DIPK2B: variants seen among roughly 807,000 people sequenced by gnomAD.
DIPK2B encodes UPF0672 protein CXorf36.
DIPK2B carries 15 observed loss-of-function variants against 22.2 expected under a neutral mutation model. The ratio of observed to expected loss-of-function variants is 0.68; its 90% CI spans 0.45 to 1.04. The LOEUF is 1.04. Among genes scored for constraint, DIPK2B ranks in the 50% least tolerant of loss-of-function variants. The pLI, the probability that DIPK2B is intolerant of heterozygous loss-of-function variation, is 0.00. For missense variants in DIPK2B, 345 were observed against 348.3 expected, an observed-to-expected ratio of 0.99 and a Z score of 0.08; for synonymous variants, 163 against 153.2, an observed-to-expected ratio of 1.06 and a Z score of -0.47.
At position 45,193,022 on chromosome X, in the gene DIPK2B, G is replaced by A. The variant is rs4314781; in HGVS notation, c.234-1007C>T. Among the ~76,000 whole-genome samples the A allele has an allele frequency of 5.6e-3, 633 of 112,036 alleles. 5 individuals carry two copies. The highest frequency in any genetic ancestry group is 0.019 in the African/African-American group (589 of 30,858). On this transcript the variant is annotated intron_variant, in intron 1 of 4. Transcript: ENST00000398000. Reference sequence around the variant, plus strand: ...TTGAACTGCTGGCCTCAGGTGATCCGCCCGCCTCTACCTCCCAAAGTGTTG... The same window carrying A: ...TTGAACTGCTGGCCTCAGGTGATCCACCCGCCTCTACCTCCCAAAGTGTTG...
intron 2 of DIPK2B, among the ~76,000 whole-genome samples, chrX:45,184,798 G>C (rs1431519064): frequency 1.8e-5 from 2 of 112,150 alleles, no homozygotes; most frequent in Non-Finnish European, 3.8e-5. Context: ...TCTGAGCAGT[G>C]ATTTGGCAAA....
chrX:45,169,227 G>T (rs1314576901), intron 2 of DIPK2B, among the ~76,000 whole-genome samples: 1 of 111,675 alleles, frequency 9.0e-6, no homozygotes, highest in Non-Finnish European at 1.9e-5. Context: ...GCGTTGAGAG[G>T]GTCAAGGTTG....
intron 2 of DIPK2B, among the ~76,000 whole-genome samples, chrX:45,175,101 G>GAAC (rs761440323): frequency 1.3e-4 from 14 of 111,443 alleles, no homozygotes; most frequent in African/African-American, 4.2e-4. Context: ...TGTAAAATGG[G>GAAC]AACAAGAATA....
chrX:45,186,278 C>T (rs2047183362), intron 2 of DIPK2B, among the ~76,000 whole-genome samples: 1 of 111,278 alleles, frequency 9.0e-6, no homozygotes, highest in Admixed American at 9.6e-5. Flanking sequence ...CAGTTGGTTC[C>T]CCAAACTCCC....
At chrX:45,167,329 A>G (rs1283912445) in intron 2 of DIPK2B, among the ~76,000 whole-genome samples, 1 of 109,508 alleles carries the variant, frequency 9.1e-6, no homozygotes, top group Admixed American at 9.7e-5. Flanking sequence ...TGTGTCTACA[A>G]AAAAATGAAA....
rs1226884359 is a variant in DIPK2B at position 45,157,747 on chromosome X, G to A, written c.640C>T (p.Leu214=). 1 of 1,198,802 alleles carries A rather than the reference G, an allele frequency of 8.3e-7. No homozygotes were observed. The highest frequency in any genetic ancestry group is 1.1e-6 in the Non-Finnish European group (1 of 889,219). Residue 214 remains leucine (L), a synonymous_variant, in exon 3 of 5, where the codon CTG becomes TTG. Transcript: ENST00000398000. The part of the protein sequence containing the change: ...DRDKLRLLYT[L]AVNSHPILLQ... ...AGGATGGGGTGCGAGTTGACAGCCA[G>A]CGTGTAGAGCAGGCGCAGCTTGTCA...
intron 1 of DIPK2B, among the ~76,000 whole-genome samples, chrX:45,192,803 G>A (rs2047219887): frequency 9.0e-6 from 1 of 111,395 alleles, no homozygotes; most frequent in Admixed American, 9.5e-5. Context: ...TTTTGAGATG[G>A]AGACTCACTC....
chrX:45,167,099 T>C (rs2047052651), intron 2 of DIPK2B, among the ~76,000 whole-genome samples: 1 of 112,623 alleles, frequency 8.9e-6, no homozygotes, highest in Non-Finnish European at 1.9e-5. Context: ...TCAATAACTG[T>C]CTCAGCTGTG....
intron 1 of DIPK2B, among the ~76,000 whole-genome samples, chrX:45,198,504 C>T (rs1327637187): frequency 9.0e-6 from 1 of 110,918 alleles, no homozygotes; most frequent in African/African-American, 3.3e-5. Context: ...CTTTCACGGG[C>T]ACATGGAACA....
At position 45,154,087 on chromosome X, in the gene DIPK2B, C is replaced by T. The variant is rs764473065; in HGVS notation, c.784G>A (p.Asp262Asn). ...TGGTAGGCAAGGTCGGCTGCCTGAT[C>T]TGGGGGTGCATCATAGAATTCCTGC... Reference protein sequence around the residue: ...PLQEFYDAPPDQAADLAYQLL... With the variant: ...PLQEFYDAPPNQAADLAYQLL... Residue 262 changes from aspartate (D) to asparagine (N), a missense_variant, in exon 4 of 5, where the codon GAT becomes AAT. Transcript: ENST00000398000. 7 of 1,211,357 alleles carry T rather than the reference C, an allele frequency of 5.8e-6. No homozygotes were observed. Among genetic ancestry groups the T allele is most frequent in the East Asian group, 3.0e-5 (1 of 33,827 alleles).
intron 1 of DIPK2B, among the ~76,000 whole-genome samples, chrX:45,198,312 T>G (rs2047250751): frequency 9.0e-6 from 1 of 111,512 alleles, no homozygotes; most frequent in Non-Finnish European, 1.9e-5. Context: ...GGCACGACTT[T>G]GATAATAAGA....
At chrX:45,155,473 C>T (rs1331777975) in intron 3 of DIPK2B, among the ~76,000 whole-genome samples, 2 of 106,972 alleles carry the variant, frequency 1.9e-5, no homozygotes, top group East Asian at 2.9e-4. Flanking sequence ...TAAAACAGTA[C>T]AGGTACCTTG....
At position 45,150,958 on chromosome X, in the gene DIPK2B, G is replaced by C. The variant is rs7058744; in HGVS notation, c.*694C>G. ...ACTTGGGCTAACACATTGGTCCCCC[G>C]CCGGCCCCCCTTTATCTTCTTACCC... On this transcript the variant is annotated 3_prime_UTR_variant, in exon 5 of 5. Coordinates refer to ENST00000398000, the MANE Select transcript of DIPK2B (RefSeq NM_176819.4). 4 of 110,899 alleles carry C rather than the reference G, an allele frequency of 3.6e-5. No individual in the cohort carries two copies. The South Asian group carries it at 1.5e-3, about 43-fold the overall frequency. The allele number at this position is 110,899 out of a possible 1,213,427, so 9.1% of individuals were successfully genotyped here. A position where few individuals can be genotyped will look rare whatever the true frequency, so the allele number is the denominator to read the frequency against.
chrX:45,188,470 C>T (rs1178415628), intron 2 of DIPK2B, among the ~76,000 whole-genome samples: 3 of 112,207 alleles, frequency 2.7e-5, no homozygotes, highest in Non-Finnish European at 5.6e-5. Context: ...GTTAACTTCC[C>T]GGCACAAATT....
chrX:45,164,729 T>C (rs1290317786), intron 2 of DIPK2B, among the ~76,000 whole-genome samples: 2 of 111,377 alleles, frequency 1.8e-5, no homozygotes, highest in Non-Finnish European at 3.8e-5. Flanking sequence ...AAAACTGCAC[T>C]TTCTGCACAT....
intron 2 of DIPK2B, among the ~76,000 whole-genome samples, chrX:45,169,011 C>T (rs1351412170): frequency 1.8e-5 from 2 of 111,868 alleles, no homozygotes; most frequent in Non-Finnish European, 3.8e-5. Flanking sequence ...GTTTCCTCAC[C>T]TATAACTGAT....
At chrX:45,191,461 T>C in intron 2 of DIPK2B, 1 of 320,095 alleles carries the variant, frequency 3.1e-6, no homozygotes, top group South Asian at 7.7e-5. Context: ...CTGGCAAGGG[T>C]CATCCTGTCA....
chrX:45,197,589 G>A lies in DIPK2B; in HGVS notation c.233+3005C>T, dbSNP rs1254724334. ...GTTTGGAGATCCAAAAGAAGACAAC[G>A]AACAAATACACCATTAGAAAGAGAG... On this transcript the variant is annotated intron_variant, in intron 1 of 4. Coordinates refer to ENST00000398000, the MANE Select transcript of DIPK2B (RefSeq NM_176819.4). 3.6e-5 allele frequency among the ~76,000 whole-genome samples: 4 copies of A among 111,556 alleles called. No individual in the cohort carries two copies. The East Asian group carries it at 1.1e-3, about 31-fold the overall frequency.
chrX:45,197,531 TG>T (rs1463357111), intron 1 of DIPK2B, among the ~76,000 whole-genome samples: 1 of 111,922 alleles, frequency 8.9e-6, no homozygotes, highest in Non-Finnish European at 1.9e-5. Context: ...CCACCTCGCC[TG>T]GCTGGTAATC....
Sources: gnomAD v4.1 joint callset for allele counts (sites outside exome capture counted in the v4.1 genomes callset) on GRCh38, gnomAD v4.1.1 for gene constraint, MANE v1.5 for transcripts, NCBI Gene and HGNC (gene_info 2026-07-23, HGNC 2026-07-21) for gene names.